DMD: variants seen among roughly 807,000 people sequenced by gnomAD.
DMD encodes the protein mutant dystrophin.
DMD carries 63 observed loss-of-function variants against 330.1 expected under a neutral mutation model. The observed-to-expected ratio is 0.19, with a 90% confidence interval of 0.16 to 0.24. DMD has a LOEUF of 0.24. Among genes scored for constraint, DMD ranks in the 10% least tolerant of loss-of-function variants. The pLI is 1.00. For missense variants in DMD, 3,344 were observed against 2,684.1 expected (o/e 1.25, Z -5.43); for synonymous variants, 1,223 against 959.8 (o/e 1.27, Z -5.07).
intron 41 of DMD, among the ~76,000 whole-genome samples, chrX:32,319,687 T>C (rs939526262): frequency 2.1e-4 from 23 of 111,236 alleles, no homozygotes; most frequent in African/African-American, 7.2e-4. Context: ...TGTCTTTTAG[T>C]TACTAATCTG....
At chrX:32,018,692 C>T (rs114277010) in intron 44 of DMD, among the ~76,000 whole-genome samples, 4,442 of 111,708 alleles carry the variant, frequency 0.04, 220 homozygotes, top group African/African-American at 0.14. Context: ...TATGTAATTA[C>T]GCCTGTTTCA....
intron 62 of DMD, among the ~76,000 whole-genome samples, chrX:31,285,805 T>C (rs1018084209): frequency 1.5e-4 from 17 of 111,562 alleles, no homozygotes; most frequent in African/African-American, 4.6e-4. Flanking sequence ...AAAAACATAC[T>C]GGAACTTTGG....
intron 4 of DMD, among the ~76,000 whole-genome samples, chrX:32,826,267 A>G (rs777781529): frequency 8.9e-6 from 1 of 112,066 alleles, no homozygotes; most frequent in African/African-American, 3.2e-5. Context: ...GTCATGAAAA[A>G]CAGTATGGAG....
chrX:31,125,738 C>T (rs1403124400), intron 78 of DMD, among the ~76,000 whole-genome samples: 2 of 112,115 alleles, frequency 1.8e-5, no homozygotes, highest in Non-Finnish European at 3.8e-5. Context: ...CACCGTAAAA[C>T]CTGAAACCAC....
At position 31,902,366 on chromosome X, in the gene DMD, A is replaced by ATCT. The variant is rs1248271809; in HGVS notation, c.6913-26996_6913-26994dup. 2.7e-5 allele frequency among the ~76,000 whole-genome samples: 3 copies of ATCT among 111,842 alleles called. No individual in the cohort carries two copies. In the Admixed American group the frequency reaches 2.9e-4, roughly 11 times the overall value. On this transcript the variant is annotated intron_variant, in intron 47 of 78. Transcript: ENST00000357033. ...CCTTCTGTCACCTAGCAACGTGCTG[A>ATCT]TCTTAAACAAGGCCAGTTAACCTCG...
chrX:32,834,562 G>A (rs1302742884), intron 4 of DMD, among the ~76,000 whole-genome samples: 1 of 111,570 alleles, frequency 9.0e-6, no homozygotes, highest in Non-Finnish European at 1.9e-5. Flanking sequence ...CAATGATGGG[G>A]TTAAGTGAAT....
chrX:33,103,427 A>C (rs1012784179), intron 1 of DMD, among the ~76,000 whole-genome samples: 4 of 110,554 alleles, frequency 3.6e-5, no homozygotes, highest in African/African-American at 1.3e-4. Context: ...AAGAAGTGGA[A>C]ATGGCCTGTT....
At chrX:32,676,909 A>G (rs1278436677) in intron 9 of DMD, among the ~76,000 whole-genome samples, 1 of 111,573 alleles carries the variant, frequency 9.0e-6, no homozygotes, top group Non-Finnish European at 1.9e-5. Flanking sequence ...TTAAATTGTG[A>G]TTTTTGAAGA....
At chrX:31,137,273 C>G (rs2035367488) in intron 76 of DMD, among the ~76,000 whole-genome samples, 1 of 112,216 alleles carries the variant, frequency 8.9e-6, no homozygotes, top group Non-Finnish European at 1.9e-5. Flanking sequence ...CCTGCCTCGG[C>G]CTCCCAAAGT....
At chrX:32,945,283 A>C (rs1289739427) in intron 2 of DMD, among the ~76,000 whole-genome samples, 1 of 111,523 alleles carries the variant, frequency 9.0e-6, no homozygotes, top group Non-Finnish European at 1.9e-5. Flanking sequence ...TTTGATTTTC[A>C]ATAGGTTGTT....
chrX:31,713,789 C>T (rs775959398), intron 52 of DMD, among the ~76,000 whole-genome samples: 7 of 111,715 alleles, frequency 6.3e-5, no homozygotes, highest in Non-Finnish European at 1.1e-4. Flanking sequence ...CACATAATTC[C>T]TAGCCCCAAT....
At chrX:31,968,265 A>C in intron 45 of DMD, 74 bp downstream of exon 45, 1 of 1,133,423 alleles carries the variant, frequency 8.8e-7, no homozygotes, top group Non-Finnish European at 1.2e-6. Flanking sequence ...ATAATCTCTC[A>C]TGAAATATTC....
In DMD at chrX:32,193,746, C is replaced by T. The variant is rs139033813; in HGVS notation, c.6438+23170G>A. On this transcript the variant is annotated intron_variant, in intron 44 of 78. Coordinates refer to ENST00000357033, the MANE Select transcript of DMD (RefSeq NM_004006.3). ...TCTAGTCTGTGATGGGGTCTTTAAC[C>T]TGGCATCTGTGGATGGGATTAAGGG... 6.1e-3 allele frequency among the ~76,000 whole-genome samples: 681 copies of T among 111,708 alleles called. 4 individuals carry two copies. Among genetic ancestry groups the T allele is most frequent in the African/African-American group, 0.021 (640 of 30,705 alleles).
chrX:32,794,049 C>A (rs2076012266), intron 7 of DMD, among the ~76,000 whole-genome samples: 1 of 111,292 alleles, frequency 9.0e-6, no homozygotes, highest in Non-Finnish European at 1.9e-5. Flanking sequence ...GAATTTATCC[C>A]AATGATACAA....
At chrX:31,933,169 T>G (rs1165331727) in intron 45 of DMD, among the ~76,000 whole-genome samples, 1 of 111,962 alleles carries the variant, frequency 8.9e-6, no homozygotes, top group African/African-American at 3.3e-5. Context: ...ATAAACAAGG[T>G]TTTTGTTTTG....
intron 37 of DMD, among the ~76,000 whole-genome samples, chrX:32,353,197 T>C (rs866973341): frequency 9.0e-6 from 1 of 111,340 alleles, no homozygotes; most frequent in African/African-American, 3.2e-5. Context: ...AAAAAATTCA[T>C]TGCTTTTCTT....
chrX:32,367,340 T>A (rs1054258132), intron 34 of DMD, among the ~76,000 whole-genome samples: 1 of 111,989 alleles, frequency 8.9e-6, no homozygotes, highest in Admixed American at 9.5e-5. Context: ...GATGGACATA[T>A]ACGCAAATGA....
chrX:31,698,846 A>C (rs1303831456), intron 52 of DMD, among the ~76,000 whole-genome samples: 1 of 112,144 alleles, frequency 8.9e-6, no homozygotes, highest in Non-Finnish European at 1.9e-5. Flanking sequence ...TATGATGACC[A>C]AGTTGCTTTT....
In DMD at chrX:32,355,583, T is replaced by A. The variant is rs2097796262; in HGVS notation, c.5326-7055A>T. ...ACATCTACTTTAAAAATATTTTACA[T>A]GGTTACCAAAGGGATTTATTAGCGA... On this transcript the variant is annotated intron_variant, in intron 37 of 78. Transcript: ENST00000357033. Among the ~76,000 whole-genome samples the A allele has an allele frequency of 2.7e-5, 3 of 111,939 alleles. No homozygotes were observed. The Admixed American group carries it at 2.9e-4, about 11-fold the overall frequency.
Sources: allele counts gnomAD v4.1 joint callset (sites outside exome capture counted in the v4.1 genomes callset), GRCh38; gene constraint gnomAD v4.1.1; transcripts MANE v1.5; gene names NCBI Gene and HGNC (gene_info 2026-07-23, HGNC 2026-07-21).